The following LYN variants were observed in gnomAD, a reference collection of about 807,000 sequenced individuals.
LYN encodes tyrosine-protein kinase Lyn.
Under a neutral mutation model 65.0 loss-of-function variants are expected in LYN, and 12 were observed. That is an observed-to-expected ratio of 0.18 (90% CI 0.12 to 0.30). LYN has a LOEUF of 0.30. LYN is among the 10% of genes least tolerant of loss of function. LYN has a pLI of 1.00. For missense variants in LYN, 380 were observed against 623.2 expected, an observed-to-expected ratio of 0.61 and a Z score of 4.16; for synonymous variants, 222 against 221.2, an observed-to-expected ratio of 1.00 and a Z score of -0.03.
intron 1 of LYN, among the ~76,000 whole-genome samples, chr8:55,881,583 C>T (rs189264647): frequency 4.7e-4 from 72 of 152,276 alleles, no homozygotes; most frequent in Admixed American, 2.9e-3. Context: ...GACTGGGCCT[C>T]TTTGGATGTA....
At chr8:55,933,052 C>T (rs1806314976) in intron 1 of LYN, among the ~76,000 whole-genome samples, 1 of 152,192 alleles carries the variant, frequency 6.6e-6, no homozygotes, top group Non-Finnish European at 1.5e-5. Flanking sequence ...GTACCCCAAA[C>T]CTCAGCATCT....
chr8:55,923,013 A>G (rs899101736), intron 1 of LYN, among the ~76,000 whole-genome samples: 1 of 152,174 alleles, frequency 6.6e-6, no homozygotes, highest in African/African-American at 2.4e-5. Flanking sequence ...AAGTGCAATT[A>G]TATCGCAAAA....
intron 10 of LYN, among the ~76,000 whole-genome samples, chr8:55,982,990 T>C (rs1213761981): frequency 6.6e-6 from 1 of 152,036 alleles, no homozygotes; most frequent in East Asian, 1.9e-4. Context: ...GAGACACTCA[T>C]TGCCCCTCCC....
At chr8:55,928,134 T>A (rs546321089) in intron 1 of LYN, among the ~76,000 whole-genome samples, 2 of 152,234 alleles carry the variant, frequency 1.3e-5, no homozygotes, top group African/African-American at 4.8e-5. Flanking sequence ...AGAGTATATC[T>A]CATTGTTGCT....
rs185815698 is a variant in LYN at position 56,012,207 on chromosome 8, T to C, written c.*2097T>C. 5.5e-6 allele frequency: 1 copy of C among 182,536 alleles called. No homozygotes were observed. Among genetic ancestry groups the C allele is most frequent in the East Asian group, 8.9e-5 (1 of 11,204 alleles). The allele number at this position is 182,536 out of a possible 1,614,324, so 11.3% of individuals were successfully genotyped here. A position where few individuals can be genotyped will look rare whatever the true frequency, so the allele number is the denominator to read the frequency against. On this transcript the variant is annotated 3_prime_UTR_variant, in exon 13 of 13. Coordinates refer to ENST00000519728, the MANE Select transcript of LYN (RefSeq NM_002350.4). ...TGATGAACAGCACACACAGTCTCCTTACTTAGCTATAGGTTTCCAGCCTCC... is the reference window on the plus strand; with the variant it reads ...TGATGAACAGCACACACAGTCTCCTCACTTAGCTATAGGTTTCCAGCCTCC...
In LYN at chr8:55,960,225, C is replaced by G. The variant is rs1204161818; in HGVS notation, c.790+6241C>G. 2.0e-5 allele frequency among the ~76,000 whole-genome samples: 3 copies of G among 152,136 alleles called. No homozygotes were observed. The East Asian group carries it at 5.8e-4, about 29-fold the overall frequency. On this transcript the variant is annotated intron_variant, in intron 8 of 12. Coordinates refer to ENST00000519728, the MANE Select transcript of LYN (RefSeq NM_002350.4). ...TAAAAGAAATGATACAGAGAGATCC[C>G]ATGTACCATTTACCCAGTTTCCTCC...
At position 55,967,579 on chromosome 8, in the gene LYN, G is replaced by A. The variant is rs552420837; in HGVS notation, c.973+682G>A. 1.1e-4 allele frequency among the ~76,000 whole-genome samples: 16 copies of A among 152,280 alleles called. No individual in the cohort carries two copies. The South Asian group carries it at 2.5e-3, about 24-fold the overall frequency. On this transcript the variant is annotated intron_variant, in intron 9 of 12. Transcript: ENST00000519728. Reference sequence around the variant, plus strand: ...AATCTGCCTGCCTCAGCCTCTGAAAGTGCTAGGATTACAGGCATGAGCACC... The same window carrying A: ...AATCTGCCTGCCTCAGCCTCTGAAAATGCTAGGATTACAGGCATGAGCACC...
intron 1 of LYN, among the ~76,000 whole-genome samples, chr8:55,912,068 C>T (rs1805654244): frequency 6.6e-6 from 1 of 152,084 alleles, no homozygotes; most frequent in Non-Finnish European, 1.5e-5. Context: ...GAGAGAGGAA[C>T]AACTTAGAGC....
chr8:55,994,806 T>A (rs939130121), intron 10 of LYN, among the ~76,000 whole-genome samples: 1 of 152,188 alleles, frequency 6.6e-6, no homozygotes, highest in Non-Finnish European at 1.5e-5. Context: ...TGCACTACCA[T>A]GGAGTGGAGC....
intron 1 of LYN, among the ~76,000 whole-genome samples, chr8:55,936,093 T>C (rs1585616098): frequency 1.3e-5 from 2 of 152,222 alleles, no homozygotes; most frequent in East Asian, 1.9e-4. Flanking sequence ...TCTTGAGTTA[T>C]AGAACTGATA....
intron 1 of LYN, among the ~76,000 whole-genome samples, chr8:55,913,147 A>G (rs1161980683): frequency 6.6e-6 from 1 of 152,234 alleles, no homozygotes; most frequent in East Asian, 1.9e-4. Context: ...AAAACTGGAT[A>G]TATCCTGTGT....
intron 10 of LYN, among the ~76,000 whole-genome samples, chr8:55,992,875 G>A (rs1406715886): frequency 6.6e-6 from 1 of 152,122 alleles, no homozygotes; most frequent in Non-Finnish European, 1.5e-5. Flanking sequence ...TCCAATTCAT[G>A]AGGGAGGATC....
At chr8:55,909,026 C>T (rs879385080) in intron 1 of LYN, among the ~76,000 whole-genome samples, 51,531 of 70,124 alleles carry the variant, frequency 0.73, 18,001 homozygotes, top group East Asian at 0.93. Flanking sequence ...CACACACACA[C>T]ACACACACAC....
chr8:55,994,133 A>G (rs1033325133), intron 10 of LYN, among the ~76,000 whole-genome samples: 8 of 152,224 alleles, frequency 5.3e-5, no homozygotes, highest in African/African-American at 1.9e-4. Context: ...AACAACAACA[A>G]ATTAAGGTTT....
At chr8:55,999,145 T>G (rs1166566211) in intron 11 of LYN, among the ~76,000 whole-genome samples, 1 of 152,140 alleles carries the variant, frequency 6.6e-6, no homozygotes, top group East Asian at 1.9e-4. Flanking sequence ...TGAGCAAATA[T>G]TTTTGCAGTG....
At chr8:55,968,484 C>T (rs1177425140) in intron 9 of LYN, among the ~76,000 whole-genome samples, 6 of 152,162 alleles carry the variant, frequency 3.9e-5, no homozygotes, top group South Asian at 2.1e-4. Flanking sequence ...CTTAAACTCC[C>T]GACCTCAGGT....
At chr8:55,881,605 C>T (rs1804655383) in intron 1 of LYN, among the ~76,000 whole-genome samples, 1 of 152,076 alleles carries the variant, frequency 6.6e-6, no homozygotes, top group African/African-American at 2.4e-5. Flanking sequence ...ATGTGTGGCC[C>T]TTTTGCTGAG....
chr8:55,995,729 G>T (rs1808357936), intron 10 of LYN, among the ~76,000 whole-genome samples: 1 of 152,178 alleles, frequency 6.6e-6, no homozygotes, highest in Non-Finnish European at 1.5e-5. Context: ...GGCAGGGGGT[G>T]TAGAAGCACA....
chr8:55,887,687 G>A (rs557065881), intron 1 of LYN, among the ~76,000 whole-genome samples: 4 of 149,772 alleles, frequency 2.7e-5, no homozygotes, highest in African/African-American at 9.9e-5. Context: ...TCGGCTCACT[G>A]CAACCTCCAC....
Sources: allele counts gnomAD v4.1 joint callset (sites outside exome capture counted in the v4.1 genomes callset), GRCh38; gene constraint gnomAD v4.1.1; transcripts MANE v1.5; gene names NCBI Gene and HGNC (gene_info 2026-07-23, HGNC 2026-07-21).